Variants in PDCD10 observed in about 807,000 individuals in gnomAD.
PDCD10 encodes the protein programmed cell death protein 10.
In PDCD10, 4 loss-of-function variants were observed where a neutral mutation model predicts 29.2. The ratio of observed to expected loss-of-function variants is 0.14; its 90% CI spans 0.07 to 0.31. The LOEUF (loss-of-function observed/expected upper bound fraction) is 0.31. Among genes scored for constraint, PDCD10 ranks in the 10% least tolerant of loss-of-function variants. The probability of loss-of-function intolerance (pLI) is 1.00; values close to 1 mark genes in which losing one functional copy is unlikely to be tolerated. For synonymous variants in PDCD10, 70 were observed against 82.2 expected (o/e 0.85, Z 0.80); for missense variants, 183 against 257.9 (o/e 0.71, Z 1.99).
intron 3 of PDCD10, among the ~76,000 whole-genome samples, chr3:167,717,815 G>A (rs1723168996): frequency 6.6e-6 from 1 of 151,836 alleles, no homozygotes; most frequent in Non-Finnish European, 1.5e-5. Flanking sequence ...TTTTTTAAAC[G>A]CTTGACACCA....
In PDCD10 at chr3:167,690,915, G is replaced by C. The variant is rs1327780284; in HGVS notation, c.396-3222C>G. 2.0e-5 allele frequency among the ~76,000 whole-genome samples: 3 copies of C among 152,176 alleles called. No individual in the cohort carries two copies. In the East Asian group the frequency reaches 5.8e-4, roughly 29 times the overall value. ...GGAACACAGATTCAAATCTAGGTCT[G>C]CTAATATATTCAAAATTGCCTGAAT... On this transcript the variant is annotated intron_variant, in intron 6 of 8. Transcript: ENST00000392750.
chr3:167,691,083 T>C (rs1415263257), intron 6 of PDCD10, among the ~76,000 whole-genome samples: 1 of 152,182 alleles, frequency 6.6e-6, no homozygotes, highest in African/African-American at 2.4e-5. Flanking sequence ...CTACCTTAGA[T>C]ATAAGAAAGT....
intron 8 of PDCD10, among the ~76,000 whole-genome samples, chr3:167,684,751 T>C (rs1365333989): frequency 6.6e-6 from 1 of 152,156 alleles, no homozygotes; most frequent in African/African-American, 2.4e-5. Flanking sequence ...CAAAGTATCA[T>C]AATCTCAAAA....
At chr3:167,730,203 T>A (rs1724657866) in intron 2 of PDCD10, among the ~76,000 whole-genome samples, 1 of 150,628 alleles carries the variant, frequency 6.6e-6, no homozygotes, top group East Asian at 1.9e-4. Context: ...TGCTTTCATT[T>A]TTTGCATTGT....
intron 3 of PDCD10, among the ~76,000 whole-genome samples, chr3:167,705,615 C>T (rs1234541573): frequency 6.6e-6 from 1 of 152,088 alleles, no homozygotes; most frequent in Non-Finnish European, 1.5e-5. Flanking sequence ...TAACTTTAAG[C>T]ACAAAGCAAA....
At chr3:167,705,371 C>T (rs1721872480) in intron 3 of PDCD10, among the ~76,000 whole-genome samples, 1 of 151,948 alleles carries the variant, frequency 6.6e-6, no homozygotes, top group Non-Finnish European at 1.5e-5. Context: ...TTACTTGGGA[C>T]AATATTAAAT....
At chr3:167,693,203 A>G (rs952941278) in intron 6 of PDCD10, among the ~76,000 whole-genome samples, 2 of 152,212 alleles carry the variant, frequency 1.3e-5, no homozygotes, top group African/African-American at 4.8e-5. Context: ...AAAGAATACT[A>G]TTTTCAAAAG....
chr3:167,711,551 T>G (rs1722519955), intron 3 of PDCD10, among the ~76,000 whole-genome samples: 1 of 151,874 alleles, frequency 6.6e-6, no homozygotes, highest in Non-Finnish European at 1.5e-5. Flanking sequence ...AACCTAAGAG[T>G]TACTGGCATT....
chr3:167,689,247 A>G (rs1336944502), intron 6 of PDCD10, among the ~76,000 whole-genome samples: 2 of 152,142 alleles, frequency 1.3e-5, no homozygotes, highest in African/African-American at 4.8e-5. Flanking sequence ...TAAACCCACT[A>G]TTGTTTAATA....
chr3:167,715,519 A>T (rs1318072836), intron 3 of PDCD10, among the ~76,000 whole-genome samples: 1 of 151,952 alleles, frequency 6.6e-6, no homozygotes, highest in Non-Finnish European at 1.5e-5. Context: ...CTAACAAGGG[A>T]TTAATAACCA....
At chr3:167,693,525 T>C (rs1457753213) in intron 6 of PDCD10, among the ~76,000 whole-genome samples, 1 of 152,176 alleles carries the variant, frequency 6.6e-6, no homozygotes, top group Non-Finnish European at 1.5e-5. Flanking sequence ...ACAAAGTTAT[T>C]AGAAAAACAG....
chr3:167,724,415 T>G (rs924820860), intron 2 of PDCD10, among the ~76,000 whole-genome samples: 20 of 152,216 alleles, frequency 1.3e-4, no homozygotes, highest in Non-Finnish European at 1.9e-4. Context: ...GACTGACTGA[T>G]GTATGCTGGA....
chr3:167,684,807 C>T (rs1193918898), intron 8 of PDCD10, among the ~76,000 whole-genome samples: 1 of 152,052 alleles, frequency 6.6e-6, no homozygotes, highest in Non-Finnish European at 1.5e-5. Context: ...TAATTACTTC[C>T]AATCTGATTC....
chr3:167,709,028 C>T (rs186959814), intron 3 of PDCD10, among the ~76,000 whole-genome samples: 350 of 151,872 alleles, frequency 2.3e-3, no homozygotes, highest in Middle Eastern at 6.8e-3. Flanking sequence ...TAATTCAAAC[C>T]CAAAATGCTA....
intron 2 of PDCD10, among the ~76,000 whole-genome samples, chr3:167,726,305 G>A (rs1406985546): frequency 6.6e-6 from 1 of 151,778 alleles, no homozygotes; most frequent in Non-Finnish European, 1.5e-5. Flanking sequence ...CACCATGTTG[G>A]TCAGTTTGGT....
At chr3:167,695,510 A>T in intron 6 of PDCD10, 86 bp downstream of exon 6, 1 of 1,153,394 alleles carries the variant, frequency 8.7e-7, no homozygotes, top group Non-Finnish European at 1.3e-6. Flanking sequence ...ATTTCAAGTT[A>T]GTCATACCAA....
At chr3:167,720,433 C>G (rs527870507) in intron 2 of PDCD10, among the ~76,000 whole-genome samples, 160 bp from the exon 3 acceptor site, 36 of 152,032 alleles carry the variant, frequency 2.4e-4, no homozygotes, top group African/African-American at 8.2e-4. Flanking sequence ...AGAAACTTAC[C>G]TTTTCCTCCA....
chr3:167,695,826 A>C (rs1213363712), intron 5 of PDCD10, 104 bp from the exon 6 acceptor site: 2 of 1,117,422 alleles, frequency 1.8e-6, no homozygotes, highest in Non-Finnish European at 1.4e-6. Flanking sequence ...GGGAGGTGAA[A>C]GGCCAGATAA....
intron 3 of PDCD10, among the ~76,000 whole-genome samples, chr3:167,707,478 A>G (rs1335089040): frequency 6.6e-6 from 1 of 152,076 alleles, no homozygotes; most frequent in East Asian, 1.9e-4. Context: ...GGAGATCGAG[A>G]CCATCCTGGC....
Sources: gnomAD v4.1 joint callset for allele counts (sites outside exome capture counted in the v4.1 genomes callset) on GRCh38, gnomAD v4.1.1 for gene constraint, MANE v1.5 for transcripts, NCBI Gene and HGNC (gene_info 2026-07-23, HGNC 2026-07-21) for gene names.